Variants in P2RY14 observed in about 807,000 individuals in gnomAD.
P2RY14 encodes P2Y purinoceptor 14.
A neutral mutation model predicts 0.9 loss-of-function variants in P2RY14; 2 were observed. The observed-to-expected ratio is 2.16, with a 90% CI of 0.88 to 6.79. The LOEUF (loss-of-function observed/expected upper bound fraction) is 6.79, where lower values mean the gene tolerates loss of function less well. P2RY14 is among the 30% of genes most tolerant of loss of function. The pLI, the probability that P2RY14 is intolerant of heterozygous loss-of-function variation, is 0.05. For synonymous variants in P2RY14, 158 were observed against 147.2 expected (o/e 1.07, Z -0.53); for missense variants, 378 against 400.1 (o/e 0.94, Z 0.47).
chr3:151,252,701 C>G (rs1415727984), intron 1 of P2RY14, among the ~76,000 whole-genome samples: 2 of 152,066 alleles, frequency 1.3e-5, no homozygotes, highest in Non-Finnish European at 2.9e-5. Flanking sequence ...ATGATGCATG[C>G]AAATAGACTG....
chr3:151,253,937 C>G (rs1318450213), intron 1 of P2RY14, among the ~76,000 whole-genome samples: 1 of 150,004 alleles, frequency 6.7e-6, no homozygotes, highest in Non-Finnish European at 1.5e-5. Context: ...CTTTTTTTTT[C>G]TTCTTCTAGT....
intron 1 of P2RY14, among the ~76,000 whole-genome samples, chr3:151,229,819 G>A (rs1731275315): frequency 6.6e-6 from 1 of 152,100 alleles, no homozygotes; most frequent in Non-Finnish European, 1.5e-5. Flanking sequence ...ATGCAACAAT[G>A]GAGCAACTGT....
At chr3:151,227,999 G>A (rs1342305493) in intron 1 of P2RY14, among the ~76,000 whole-genome samples, 1 of 152,134 alleles carries the variant, frequency 6.6e-6, no homozygotes, top group East Asian at 1.9e-4. Flanking sequence ...ACCCCTTAAT[G>A]GTAGGTATGT....
chr3:151,230,779 C>T (rs960025314), intron 1 of P2RY14, among the ~76,000 whole-genome samples: 1 of 152,136 alleles, frequency 6.6e-6, no homozygotes, highest in Non-Finnish European at 1.5e-5. Context: ...TAAACTTGCT[C>T]AAGCCATTTT....
At position 151,220,512 on chromosome 3, in the gene P2RY14, C is replaced by T. The variant is rs74769835; in HGVS notation, c.-132-870G>A. Among the ~76,000 whole-genome samples, 925 of 152,218 alleles carry T rather than the reference C, an allele frequency of 6.1e-3. 50 individuals are homozygous for T. The East Asian group carries it at 0.14, about 23-fold the overall frequency. On this transcript the variant is annotated intron_variant, in intron 1 of 2. Coordinates refer to ENST00000309170, the MANE Select transcript of P2RY14 (RefSeq NM_014879.4). ...CCCACCAAAATCTCATCTTGTAGCT[C>T]CCGTAATACCCACATGTTGTGGAAG...
At chr3:151,235,640 G>T (rs1436752553) in intron 1 of P2RY14, among the ~76,000 whole-genome samples, 1 of 152,124 alleles carries the variant, frequency 6.6e-6, no homozygotes, top group Non-Finnish European at 1.5e-5. Context: ...GTCGCAGTGA[G>T]CTGAGGTCGC....
chr3:151,213,384 G>A lies in P2RY14; in HGVS notation c.933C>T (p.His311=). 6.2e-7 allele frequency: 1 copy of A among 1,613,786 alleles called. No individual in the cohort carries two copies. The highest frequency in any genetic ancestry group is 1.3e-5 in the African/African-American group (1 of 75,016). ...GGTCATTCTGAGCTTTTAATGGAAT[G>A]TGCAATTTCTTACATAAGATTTCCC... is the stretch of plus-strand genomic sequence containing the variant. ...PFREILCKKL[H]IPLKAQNDLD... Residue 311 remains histidine (H), a synonymous_variant, in exon 3 of 3, where the codon CAC becomes CAT. Coordinates refer to ENST00000309170, the MANE Select transcript of P2RY14 (RefSeq NM_014879.4).
chr3:151,266,421 G>C (rs1307584250), intron 1 of P2RY14, among the ~76,000 whole-genome samples: 1 of 152,174 alleles, frequency 6.6e-6, no homozygotes, highest in Non-Finnish European at 1.5e-5. Context: ...GTTTAGTGTT[G>C]AGCGAACGGA....
At chr3:151,220,142 C>T (rs906912979) in intron 1 of P2RY14, among the ~76,000 whole-genome samples, 59 of 148,534 alleles carry the variant, frequency 4.0e-4, no homozygotes, top group African/African-American at 1.4e-3. Flanking sequence ...TAACCCACTA[C>T]CCAAGTTGCG....
At chr3:151,273,431 C>T (rs1360175578) in intron 1 of P2RY14, among the ~76,000 whole-genome samples, 2 of 128,064 alleles carry the variant, frequency 1.6e-5, no homozygotes, top group Non-Finnish European at 3.2e-5. Flanking sequence ...TTAGTAGAGA[C>T]AGAGTTTCAC....
chr3:151,249,880 G>A (rs763664576), intron 1 of P2RY14, among the ~76,000 whole-genome samples: 27 of 152,066 alleles, frequency 1.8e-4, no homozygotes, highest in Admixed American at 3.9e-4. Context: ...CCTATACTCC[G>A]TCTACTTGAA....
intron 1 of P2RY14, among the ~76,000 whole-genome samples, chr3:151,237,993 C>G (rs1251220663): frequency 6.6e-6 from 1 of 152,100 alleles, no homozygotes; most frequent in Non-Finnish European, 1.5e-5. Context: ...TTGTGACTTA[C>G]TGTTTTCACT....
intron 1 of P2RY14, among the ~76,000 whole-genome samples, chr3:151,276,944 T>G (rs963318441): frequency 2.0e-5 from 3 of 152,212 alleles, no homozygotes; most frequent in African/African-American, 4.8e-5. Context: ...TCGCCCAGAC[T>G]GGAGTGCAGT....
intron 1 of P2RY14, among the ~76,000 whole-genome samples, chr3:151,231,461 C>T (rs768604333): frequency 1.1e-4 from 16 of 152,126 alleles, no homozygotes; most frequent in Non-Finnish European, 2.1e-4. Flanking sequence ...TCGTATGCCT[C>T]CTGATATGAT....
chr3:151,269,115 A>G (rs945899391), intron 1 of P2RY14, among the ~76,000 whole-genome samples: 1 of 152,164 alleles, frequency 6.6e-6, no homozygotes, highest in African/African-American at 2.4e-5. Flanking sequence ...GACGACGTAC[A>G]AAAGGAAATA....
chr3:151,274,174 A>G (rs910335515), intron 1 of P2RY14, among the ~76,000 whole-genome samples: 1 of 152,236 alleles, frequency 6.6e-6, no homozygotes, highest in African/African-American at 2.4e-5. Context: ...TAAGCAATTA[A>G]TGTGCACTTT....
intron 1 of P2RY14, among the ~76,000 whole-genome samples, chr3:151,275,208 A>G (rs1186204835): frequency 6.6e-6 from 1 of 152,096 alleles, no homozygotes; most frequent in Non-Finnish European, 1.5e-5. Context: ...CGAGGATCAG[A>G]TTTTTTTCCC....
intron 1 of P2RY14, chr3:151,270,242 T>TGTGTGTGTGTGTGTGTGTGTGTGTGTGTG (rs1553764758): frequency 3.2e-5 from 5 of 155,074 alleles, no homozygotes; most frequent in Non-Finnish European, 6.9e-5. Flanking sequence ...TGTGTGTGTG[T>TGTGTGTGTGTGTGTGTGTGTGTGTGTGTG]TTTCTTTTGG....
chr3:151,269,514 A>G (rs574479386), intron 1 of P2RY14: 2 of 292,074 alleles, frequency 6.8e-6, no homozygotes, highest in Non-Finnish European at 1.3e-5. Context: ...AAATTCTGCC[A>G]ACCATTTTTT....
Sources: allele counts gnomAD v4.1 joint callset (sites outside exome capture counted in the v4.1 genomes callset), GRCh38; gene constraint gnomAD v4.1.1; transcripts MANE v1.5; gene names NCBI Gene and HGNC (gene_info 2026-07-23, HGNC 2026-07-21).